The following SKA3 variants were observed in gnomAD, a reference collection of about 807,000 sequenced individuals.
SKA3 encodes spindle and kinetochore associated complex subunit 3, also known as spindle and kinetochore-associated protein 3.
A neutral mutation model predicts 44.2 loss-of-function variants in SKA3; 39 were observed. The ratio of observed to expected loss-of-function variants is 0.88; its 90% CI spans 0.68 to 1.15. SKA3 has a LOEUF of 1.15. Among genes scored for constraint, SKA3 ranks in the 50% most tolerant of loss-of-function variants. The probability of loss-of-function intolerance (pLI) is 0.00; values close to 1 mark genes in which losing one functional copy is unlikely to be tolerated. For synonymous variants in SKA3, 192 were observed against 172.0 expected, an observed-to-expected ratio of 1.12 and a Z score of -0.91; for missense variants, 511 against 485.8, an observed-to-expected ratio of 1.05 and a Z score of -0.49.
At chr13:21,159,110 A>G (rs559991727) in intron 6 of SKA3, among the ~76,000 whole-genome samples, 1 of 152,326 alleles carries the variant, frequency 6.6e-6, no homozygotes, top group South Asian at 2.1e-4. Flanking sequence ...AGAAGTAAAT[A>G]TTAGTTCTTC....
At chr13:21,172,939 G>A (rs917681034) in intron 1 of SKA3, among the ~76,000 whole-genome samples, 2 of 152,058 alleles carry the variant, frequency 1.3e-5, no homozygotes, top group Admixed American at 6.6e-5. Context: ...GCCTAGGAGC[G>A]ACAGGCTACA....
chr13:21,174,738 A>T (rs1000055454), intron 1 of SKA3, among the ~76,000 whole-genome samples: 6 of 139,930 alleles, frequency 4.3e-5, no homozygotes, highest in Non-Finnish European at 7.7e-5. Context: ...TAATAATTTT[A>T]AAAAAAGAAA....
At chr13:21,163,654 A>G (rs181976023) in intron 4 of SKA3, among the ~76,000 whole-genome samples, 1 of 152,318 alleles carries the variant, frequency 6.6e-6, no homozygotes, top group East Asian at 1.9e-4. Flanking sequence ...GTTTTAGCCA[A>G]ATATGCATCT....
rs761129714 is a variant in SKA3 at position 21,168,041 on chromosome 13, CAT to C, written c.688_689del (p.Met230ValfsTer4). 3.7e-6 allele frequency: 6 copies of C among 1,610,176 alleles called. No homozygotes were observed. In the African/African-American group the frequency reaches 6.7e-5, roughly 18 times the overall value. On this transcript the variant is annotated frameshift_variant, in exon 4 of 9. Transcript: ENST00000314759. LOFTEE classifies it high-confidence loss of function. ...LEHFGISEYT[M>X]CLNEDYTMGL... ...CCATTGTGTAATCTTCATTTAAACA[CAT>C]AGTATATTCAGAGATACCAAAGTGT...
At chr13:21,175,107 C>A (rs1330547174) in intron 1 of SKA3, among the ~76,000 whole-genome samples, 1 of 151,530 alleles carries the variant, frequency 6.6e-6, no homozygotes, top group African/African-American at 2.4e-5. Flanking sequence ...CTCCGAGTAG[C>A]TGGGATTACA....
At chr13:21,156,730 C>T (rs1255819665) in intron 7 of SKA3, among the ~76,000 whole-genome samples, 1 of 152,186 alleles carries the variant, frequency 6.6e-6, no homozygotes, top group Non-Finnish European at 1.5e-5. Flanking sequence ...TCATGGGTCT[C>T]CATAAGTCAG....
chr13:21,155,806 TA>T lies in SKA3; in HGVS notation c.1124del (p.Leu375TyrfsTer8). On this transcript the variant is annotated frameshift_variant, in exon 8 of 9. Coordinates refer to ENST00000314759, the MANE Select transcript of SKA3 (RefSeq NM_145061.6). LOFTEE classifies it high-confidence loss of function. ...TAGCTAGGTTTGAGTTGTATTTTGA[TA>T]AAAGCTAAAAAAAAAAAAGGAAATT... The part of the protein sequence containing the change: ...TKIPEDILQL[L>X]SKYNSNLATP... 1 of 1,313,954 alleles carries T rather than the reference TA, an allele frequency of 7.6e-7. No individual in the cohort carries two copies. The highest frequency in any genetic ancestry group is 1.0e-6 in the Non-Finnish European group (1 of 982,890). The allele number at this position is 1,313,954 out of a possible 1,614,324, so 81.4% of individuals were successfully genotyped here. A position where few individuals can be genotyped will look rare whatever the true frequency, so the allele number is the denominator to read the frequency against.
intron 3 of SKA3, among the ~76,000 whole-genome samples, chr13:21,170,372 G>A (rs1179031972): frequency 6.6e-6 from 1 of 151,938 alleles, no homozygotes; most frequent in Middle Eastern, 3.2e-3. Flanking sequence ...TAGAGACAGG[G>A]TCTCACCATG....
chr13:21,167,915 C>T, intron 4 of SKA3, 73 bp downstream of exon 4: 1 of 1,259,384 alleles, frequency 7.9e-7, no homozygotes, highest in East Asian at 2.6e-5. Flanking sequence ...TTTATTTCTT[C>T]TGGAAAAAAA....
At position 21,161,831 on chromosome 13, in the gene SKA3, A is replaced by G. The variant is rs1870454019; in HGVS notation, c.788T>C (p.Phe263Ser). Residue 263 changes from phenylalanine to serine, a missense_variant, in exon 5 of 9, where the codon TTT becomes TCT. Phe to Ser is a radical substitution (Grantham distance 155). Coordinates refer to ENST00000314759, the MANE Select transcript of SKA3 (RefSeq NM_145061.6). The part of the protein sequence containing the change: ...DTESRLNDNV[F>S]ATPSPIIQQL... ...CTGGATGATGGGGCTGGGAGTGGCA[A>G]AAACATTATCATTGAGCCTGGATTC... 6.2e-7 allele frequency: 1 copy of G among 1,612,556 alleles called. No individual in the cohort carries two copies. Among genetic ancestry groups the G allele is most frequent in the South Asian group, 1.1e-5 (1 of 90,856 alleles).
intron 4 of SKA3, among the ~76,000 whole-genome samples, chr13:21,164,706 T>C (rs920352044): frequency 2.0e-5 from 3 of 152,182 alleles, no homozygotes; most frequent in Non-Finnish European, 4.4e-5. Context: ...TCTTGGTTTA[T>C]TTTTTGCCCT....
intron 7 of SKA3, among the ~76,000 whole-genome samples, chr13:21,157,149 TC>T (rs1298061601): frequency 6.6e-6 from 1 of 152,226 alleles, no homozygotes; most frequent in Non-Finnish European, 1.5e-5. Context: ...AGGGGGACTG[TC>T]AAAGAATCAG....
At chr13:21,174,767 C>CCAACAACAACAA (rs60501469) in intron 1 of SKA3, among the ~76,000 whole-genome samples, 4 of 150,664 alleles carry the variant, frequency 2.7e-5, no homozygotes, top group Non-Finnish European at 5.9e-5. Flanking sequence ...GCGTACTGCT[C>CCAACAACAACAA]CAACAACAAC....
At chr13:21,176,269 C>A (rs1037900409) in intron 1 of SKA3, 106 bp downstream of exon 1, 1 of 892,510 alleles carries the variant, frequency 1.1e-6, no homozygotes, top group Admixed American at 3.6e-5. Context: ...CAGCCGTCCA[C>A]GCCGTCAGTG....
At chr13:21,168,508 C>G (rs1870863077) in intron 3 of SKA3, 109 bp from the exon 4 acceptor site, 1 of 883,540 alleles carries the variant, frequency 1.1e-6, no homozygotes, top group Non-Finnish European at 1.6e-6. Flanking sequence ...AGCAAAAGTT[C>G]CAATTGTCTA....
intron 1 of SKA3, among the ~76,000 whole-genome samples, chr13:21,175,814 T>C (rs1269727163): frequency 6.6e-6 from 1 of 152,214 alleles, no homozygotes; most frequent in Non-Finnish European, 1.5e-5. Context: ...CTAGTGTTTG[T>C]GTTGGCAACA....
At chr13:21,169,730 G>A (rs1387059861) in intron 3 of SKA3, among the ~76,000 whole-genome samples, 3 of 151,904 alleles carry the variant, frequency 2.0e-5, no homozygotes, top group Non-Finnish European at 4.4e-5. Flanking sequence ...CCACAACACT[G>A]GGCTCAGGTG....
At position 21,154,742 on chromosome 13, in the gene SKA3, A is replaced by G; in HGVS notation, c.*408T>C. ...AGTAAAAGGTGTGGGACGGTCCTGA[A>G]AGGAGATGATGGGAAGGCAGAGCTG... On this transcript the variant is annotated 3_prime_UTR_variant, in exon 9 of 9. Transcript: ENST00000314759. 1 of 294,846 alleles carries G rather than the reference A, an allele frequency of 3.4e-6. No individual in the cohort carries two copies. The highest frequency in any genetic ancestry group is 6.6e-6 in the Non-Finnish European group (1 of 152,004). 18.3% of individuals were successfully genotyped at this position (294,846 alleles called of 1,614,324 possible). A position where few individuals can be genotyped will look rare whatever the true frequency, so the allele number is the denominator to read the frequency against.
chr13:21,162,588 G>A (rs1291182094), intron 4 of SKA3, among the ~76,000 whole-genome samples: 1 of 151,970 alleles, frequency 6.6e-6, no homozygotes, highest in Non-Finnish European at 1.5e-5. Context: ...GGCTGGTCTC[G>A]AACTCCTGAC....
Sources: allele counts gnomAD v4.1 joint callset (sites outside exome capture counted in the v4.1 genomes callset), GRCh38; gene constraint gnomAD v4.1.1; transcripts MANE v1.5; gene names NCBI Gene and HGNC (gene_info 2026-07-23, HGNC 2026-07-21).